Variants in SPAG9 observed in about 807,000 individuals in gnomAD.
SPAG9 encodes the protein sperm associated antigen 9, also known as C-Jun-amino-terminal kinase-interacting protein 4.
A neutral mutation model predicts 166.5 loss-of-function variants in SPAG9; 35 were observed. The ratio of observed to expected loss-of-function variants is 0.21; its 90% CI spans 0.16 to 0.28. The LOEUF is 0.28. Among genes scored for constraint, SPAG9 ranks in the 10% least tolerant of loss-of-function variants. The pLI is 1.00. For synonymous variants in SPAG9, 534 were observed against 565.5 expected (o/e 0.94, Z 0.79); for missense variants, 1,235 against 1,603.3 (o/e 0.77, Z 3.92).
intron 1 of SPAG9, among the ~76,000 whole-genome samples, chr17:51,089,768 C>A (rs566827483): frequency 3.4e-4 from 51 of 149,330 alleles, no homozygotes; most frequent in Non-Finnish European, 6.7e-4. Flanking sequence ...CTCTGCCTAC[C>A]AGATTCAAGC....
intron 1 of SPAG9, among the ~76,000 whole-genome samples, chr17:51,097,829 C>T (rs1173423158): frequency 1.3e-5 from 2 of 151,542 alleles, no homozygotes; most frequent in African/African-American, 4.8e-5. Context: ...TAGGGTCTCA[C>T]TCTGTTGCCT....
At chr17:51,100,574 G>A (rs1190004978) in intron 1 of SPAG9, among the ~76,000 whole-genome samples, 1 of 151,840 alleles carries the variant, frequency 6.6e-6, no homozygotes, top group Admixed American at 6.6e-5. Context: ...CAAGGCTGCA[G>A]TGAGCCATAA....
In SPAG9 at chr17:51,120,293, A is replaced by ACCCCCCC; in HGVS notation, c.303+60_303+61insGGGGGGG. ...GCCTCTAGTCCCCGACCGGGCCGCG[A>ACCCCCCC]CCCCGCCCCGGCCGCCCCCGGAGAC... On this transcript the variant is annotated intron_variant, in intron 1 of 29. Coordinates refer to ENST00000262013, the MANE Select transcript of SPAG9 (RefSeq NM_001130528.3). The surrounding 1 kb of genome is among the most constrained non-coding windows in gnomAD (Gnocchi z 4.7). 1.5e-6 allele frequency: 2 copies of ACCCCCCC among 1,367,484 alleles called. No homozygotes were observed. Among genetic ancestry groups the ACCCCCCC allele is most frequent in the Non-Finnish European group, 9.6e-7 (1 of 1,039,802 alleles). 84.7% of individuals were successfully genotyped at this position (1,367,484 alleles called of 1,614,324 possible). A position where few individuals can be genotyped will look rare whatever the true frequency, so the allele number is the denominator to read the frequency against.
chr17:51,020,196 C>G lies in SPAG9; in HGVS notation c.1054G>C (p.Asp352His), dbSNP rs1432454464. 2.5e-6 allele frequency: 4 copies of G among 1,613,446 alleles called. No homozygotes were observed. In the African/African-American group the frequency reaches 5.3e-5, roughly 22 times the overall value. ...TATCCACTGAGATCTTTGTCCATAT[C>G]CAGCTCAGGAGTAGATTCGATGATT... ...QAIIESTPELDMDKDLSGYKG... is the reference protein window; with the variant it reads ...QAIIESTPELHMDKDLSGYKG... Residue 352 changes from aspartate (D) to histidine (H), a missense_variant, in exon 8 of 30, where the codon GAT becomes CAT. This residue lies in a region of SPAG9 where 288 missense variants were observed against 323.7 expected (regional missense o/e 0.89). Transcript: ENST00000262013.
intron 8 of SPAG9, among the ~76,000 whole-genome samples, chr17:51,015,794 T>G (rs750204918): frequency 6.9e-6 from 1 of 145,878 alleles, no homozygotes; most frequent in Non-Finnish European, 1.5e-5. Context: ...GGGGAGAAAA[T>G]AAATTATGAC....
chr17:50,998,648 A>G (rs1397896674), intron 14 of SPAG9, 31 bp from the exon 15 acceptor site: 1 of 1,594,272 alleles, frequency 6.3e-7, no homozygotes, highest in South Asian at 1.1e-5. Context: ...TGTGTGTCAC[A>G]TGTACTATGA....
In SPAG9 at chr17:50,991,923, CTTTTTTTTTTTT is replaced by C. The variant is rs1023810785; in HGVS notation, c.2399-1267_2399-1256del. Among the ~76,000 whole-genome samples the C allele has an allele frequency of 1.1e-4, 7 of 63,336 alleles. No individual in the cohort carries two copies. The South Asian group carries it at 2.7e-3, about 25-fold the overall frequency. 41.6% of individuals were successfully genotyped at this position (63,336 alleles called of 152,430 possible). A position where few individuals can be genotyped will look rare whatever the true frequency, so the allele number is the denominator to read the frequency against. On this transcript the variant is annotated intron_variant, in intron 19 of 29. Transcript: ENST00000262013. ...ACAGGTGTAAGCCACCATGCCAGGT[CTTTTTTTTTTTT>C]TTTTTTTTTTTTTTTTTAAAACACA... is the stretch of plus-strand genomic sequence containing the variant.
intron 19 of SPAG9, 22 bp downstream of exon 19, chr17:50,993,742 G>C (rs1186594429): frequency 6.2e-7 from 1 of 1,610,482 alleles, no homozygotes; most frequent in East Asian, 2.2e-5. Context: ...GGAGGGCAGA[G>C]AAACGCATGA....
intron 9 of SPAG9, among the ~76,000 whole-genome samples, chr17:51,011,666 AGC>A (rs1175161413): frequency 2.0e-5 from 3 of 152,160 alleles, no homozygotes; most frequent in African/African-American, 7.2e-5. Flanking sequence ...TACAGGCATG[AGC>A]CACCGTGCCC....
chr17:51,047,965 C>G (rs1054560413), intron 3 of SPAG9, among the ~76,000 whole-genome samples: 1 of 152,014 alleles, frequency 6.6e-6, no homozygotes, highest in Non-Finnish European at 1.5e-5. Flanking sequence ...AGATCACTTT[C>G]AATTTAATTA....
chr17:51,065,386 G>A (rs368307597), intron 2 of SPAG9, among the ~76,000 whole-genome samples: 115 of 152,128 alleles, frequency 7.6e-4, no homozygotes, highest in African/African-American at 2.7e-3. Flanking sequence ...ACACAAGTAT[G>A]AGCAAATTAT....
intron 24 of SPAG9, among the ~76,000 whole-genome samples, 199 bp downstream of exon 24, chr17:50,984,724 T>A (rs111517699): frequency 0.012 from 1,866 of 152,252 alleles, 39 homozygotes; most frequent in African/African-American, 0.042. Context: ...AAAATGCCCA[T>A]TGTGGTAAAC....
chr17:51,014,345 G>C lies in SPAG9; in HGVS notation c.1100C>G (p.Thr367Ser), dbSNP rs535489706. The change falls in exon 9 of 30, where the codon ACC becomes AGC. Residue 367 changes from threonine to serine, a missense_variant. Physicochemically the swap from Thr to Ser is moderately conservative, Grantham distance 58. Around this residue, in one of 6 missense-constraint regions of SPAG9, gnomAD observed 288 missense variants for 323.7 expected, o/e 0.89. Coordinates refer to ENST00000262013, the MANE Select transcript of SPAG9 (RefSeq NM_001130528.3). ...LSGYKGSSTP[T>S]KGIENKAFDR... ...AAAAGCTTTGTTCTCTATGCCTTTG[G>C]TGGGAGTGCTATGCAACAAGAACAA... 1 of 1,609,844 alleles carries C rather than the reference G, an allele frequency of 6.2e-7. No homozygotes were observed. Among genetic ancestry groups the C allele is most frequent in the African/African-American group, 1.3e-5 (1 of 74,866 alleles).
intron 22 of SPAG9, 53 bp from the exon 23 acceptor site, chr17:50,985,831 A>G: frequency 9.7e-7 from 1 of 1,026,260 alleles, no homozygotes; most frequent in South Asian, 1.4e-5. Flanking sequence ...AAGACATTGC[A>G]TATATCTAAC....
chr17:51,029,605 C>T (rs187069031), intron 6 of SPAG9, among the ~76,000 whole-genome samples: 19 of 152,276 alleles, frequency 1.2e-4, no homozygotes, highest in Admixed American at 8.5e-4. Flanking sequence ...AATTCTGTCA[C>T]ATGCTATAAC....
chr17:51,079,530 C>T (rs935377188), intron 2 of SPAG9, 54 bp downstream of exon 2: 29 of 1,583,896 alleles, frequency 1.8e-5, no homozygotes, highest in South Asian at 1.5e-4. Flanking sequence ...TGAGCCACCA[C>T]GTCTGGCCAA....
chr17:51,105,758 T>A (rs1486273868), intron 1 of SPAG9, among the ~76,000 whole-genome samples: 1 of 151,844 alleles, frequency 6.6e-6, no homozygotes, highest in Non-Finnish European at 1.5e-5. Flanking sequence ...TAGTCCCAGC[T>A]ACTCAGGAGG....
At chr17:50,987,433 A>T (rs969046565) in intron 21 of SPAG9, among the ~76,000 whole-genome samples, 196 bp from the exon 22 acceptor site, 8 of 152,086 alleles carry the variant, frequency 5.3e-5, no homozygotes, top group Admixed American at 1.3e-4. Flanking sequence ...TTGACCTCTC[A>T]GGCTCAAGTG....
rs1360987935 is a variant in SPAG9, at chr17:51,006,303, T to G, written c.1272-66A>C. 5 of 1,458,052 alleles carry G rather than the reference T, an allele frequency of 3.4e-6. No homozygotes were observed. In the African/African-American group the frequency reaches 4.2e-5, roughly 12 times the overall value. The allele number at this position is 1,458,052 out of a possible 1,614,324, so 90.3% of individuals were successfully genotyped here. Reference sequence around the variant, plus strand: ...ATTCTTTCCATCTTTCAGCTATTCCTTTGTAGACTAAACTGTACAACCATA... The same window carrying G: ...ATTCTTTCCATCTTTCAGCTATTCCGTTGTAGACTAAACTGTACAACCATA... On this transcript the variant is annotated intron_variant, in intron 10 of 29. Transcript: ENST00000262013.
Sources: gnomAD v4.1 joint callset for allele counts (sites outside exome capture counted in the v4.1 genomes callset) on GRCh38, gnomAD v4.1.1 for gene constraint, gnomAD v4.1.1 regional missense constraint, Gnocchi (gnomAD v3.1) non-coding constraint, MANE v1.5 for transcripts, NCBI Gene and HGNC (gene_info 2026-07-23, HGNC 2026-07-21) for gene names.